Variants in DOCK8 observed in about 807,000 individuals in gnomAD.
The protein encoded by DOCK8 is dedicator of cytokinesis protein 8.
Under a neutral mutation model 245.6 loss-of-function variants are expected in DOCK8, and 141 were observed. That is an observed-to-expected ratio of 0.57 (90% CI 0.50 to 0.66). The LOEUF is 0.66. Ranked by LOEUF, DOCK8 falls within the 30% of genes least tolerant of loss-of-function variation. The pLI is 0.00. For missense variants in DOCK8, 2,965 were observed against 2,603.4 expected (o/e 1.14, Z -3.02); for synonymous variants, 1,168 against 970.2 (o/e 1.20, Z -3.79).
At chr9:305,004 C>T (rs368553304) in intron 5 of DOCK8, among the ~76,000 whole-genome samples, 1 of 152,126 alleles carries the variant, frequency 6.6e-6, no homozygotes, top group South Asian at 2.1e-4. Flanking sequence ...CTTGGTGCCC[C>T]TAAGGCAAAC....
chr9:221,084 T>C (rs2046872118), intron 1 of DOCK8, among the ~76,000 whole-genome samples: 1 of 152,120 alleles, frequency 6.6e-6, no homozygotes, highest in African/African-American at 2.4e-5. Context: ...AGTGGGGGTA[T>C]AGACGAAAAA....
chr9:284,703 C>G (rs576345057), intron 2 of DOCK8: 28 of 152,288 alleles, frequency 1.8e-4, no homozygotes, highest in African/African-American at 6.3e-4. Context: ...AAATGCCCAT[C>G]AATGACAGAT....
At chr9:276,303 G>T (rs974779527) in intron 2 of DOCK8, among the ~76,000 whole-genome samples, 9 of 152,222 alleles carry the variant, frequency 5.9e-5, no homozygotes, top group African/African-American at 1.9e-4. Flanking sequence ...AGTAAGCAAA[G>T]ACCACTTACT....
chr9:400,119 CAGCA>C (rs1274090132), intron 26 of DOCK8, among the ~76,000 whole-genome samples: 8 of 101,284 alleles, frequency 7.9e-5, no homozygotes, highest in African/African-American at 2.4e-4. Context: ...CCACCACCAC[CAGCA>C]TCTTCACCAT....
intron 14 of DOCK8, among the ~76,000 whole-genome samples, chr9:346,259 C>T (rs956316802): frequency 8.5e-5 from 13 of 152,174 alleles, no homozygotes; most frequent in Admixed American, 6.5e-5. Context: ...TGCCTAGGAA[C>T]ACATTTGCAC....
intron 1 of DOCK8, among the ~76,000 whole-genome samples, chr9:246,039 G>T (rs188415385): frequency 6.6e-6 from 1 of 152,150 alleles, no homozygotes; most frequent in South Asian, 2.1e-4. Flanking sequence ...GGGCAACATG[G>T]TGAAACCTAG....
intron 1 of DOCK8, among the ~76,000 whole-genome samples, chr9:221,987 C>G (rs921030191): frequency 1.3e-5 from 2 of 152,018 alleles, no homozygotes; most frequent in Admixed American, 6.6e-5. Flanking sequence ...GGCACAGTGG[C>G]TCATGCCTGG....
intron 7 of DOCK8, 94 bp downstream of exon 7, chr9:317,222 G>A (rs990757126): frequency 2.6e-5 from 27 of 1,044,070 alleles, no homozygotes; most frequent in Middle Eastern, 2.5e-4. Context: ...GAATCAAAGC[G>A]GAGCTCCCAA....
chr9:358,764 G>A (rs935361500), intron 14 of DOCK8, among the ~76,000 whole-genome samples: 9 of 151,424 alleles, frequency 5.9e-5, no homozygotes, highest in East Asian at 3.9e-4. Flanking sequence ...CAGGAGAATC[G>A]CTTGAGCCCA....
intron 27 of DOCK8, 60 bp from the exon 28 acceptor site, chr9:406,870 C>A: frequency 6.2e-7 from 1 of 1,609,228 alleles, no homozygotes; most frequent in Non-Finnish European, 8.5e-7. Context: ...TAAACACTGG[C>A]CATCGCTATT....
At chr9:228,589 G>A (rs992612882) in intron 1 of DOCK8, among the ~76,000 whole-genome samples, 13 of 152,116 alleles carry the variant, frequency 8.5e-5, no homozygotes, top group Non-Finnish European at 1.5e-4. Flanking sequence ...TTTCAGGGGA[G>A]CATGGCCCTA....
At chr9:257,355 G>A (rs2047802402) in intron 1 of DOCK8, among the ~76,000 whole-genome samples, 1 of 152,138 alleles carries the variant, frequency 6.6e-6, no homozygotes, top group African/African-American at 2.4e-5. Context: ...GAGGGAGGGT[G>A]ATTACAGTCC....
At chr9:339,144 C>A in intron 13 of DOCK8, 45 bp downstream of exon 13, 1 of 1,508,152 alleles carries the variant, frequency 6.6e-7, no homozygotes, top group Non-Finnish European at 9.2e-7. Context: ...GCCAAAACTG[C>A]TTATCGTTAG....
chr9:333,240 G>C (rs976268502), intron 10 of DOCK8, among the ~76,000 whole-genome samples: 1 of 152,182 alleles, frequency 6.6e-6, no homozygotes, highest in Non-Finnish European at 1.5e-5. Flanking sequence ...CACAGCATAG[G>C]TGTTGAGCCT....
At chr9:214,050 G>A (rs112702287), upstream of DOCK8, 1 of 154,724 alleles carries the variant, frequency 6.5e-6, no homozygotes, top group East Asian at 1.9e-4. Flanking sequence ...TTAAGAGCAA[G>A]TTGGTAAATG....
chr9:425,386 G>T (rs2056445352), intron 33 of DOCK8, among the ~76,000 whole-genome samples: 2 of 152,112 alleles, frequency 1.3e-5, no homozygotes, highest in South Asian at 2.1e-4. Context: ...CAAAAAAGTA[G>T]CCGGGCGCGG....
intron 39 of DOCK8, among the ~76,000 whole-genome samples, chr9:437,625 A>G (rs1045677760): frequency 6.6e-6 from 1 of 152,230 alleles, no homozygotes; most frequent in African/African-American, 2.4e-5. Flanking sequence ...TGATTTTGCA[A>G]ATGCTCTGTG....
intron 1 of DOCK8, among the ~76,000 whole-genome samples, chr9:256,073 C>T (rs753189152): frequency 6.6e-6 from 1 of 152,202 alleles, no homozygotes; most frequent in Non-Finnish European, 1.5e-5. Context: ...ACATGACCAA[C>T]TCTTTAGTAA....
At chr9:346,560 T>A (rs1294671177) in intron 14 of DOCK8, among the ~76,000 whole-genome samples, 2 of 152,014 alleles carry the variant, frequency 1.3e-5, no homozygotes, top group Non-Finnish European at 2.9e-5. Flanking sequence ...TCTGAGGTCT[T>A]GTTTATCCAA....
Sources: allele counts gnomAD v4.1 joint callset (sites outside exome capture counted in the v4.1 genomes callset), GRCh38; gene constraint gnomAD v4.1.1; transcripts MANE v1.5; gene names NCBI Gene and HGNC (gene_info 2026-07-23, HGNC 2026-07-21).